The following FER variants were observed in gnomAD, a reference collection of about 807,000 sequenced individuals.
The protein encoded by FER is FER tyrosine kinase, also known as tyrosine-protein kinase Fer.
FER carries 63 observed loss-of-function variants against 111.0 expected under a neutral mutation model. The observed-to-expected ratio is 0.57, with a 90% CI of 0.46 to 0.70. The LOEUF (loss-of-function observed/expected upper bound fraction) is 0.70. Among genes scored for constraint, FER ranks in the 30% least tolerant of loss-of-function variants. The pLI, the probability that FER is intolerant of heterozygous loss-of-function variation, is 0.00. For synonymous variants in FER, 327 were observed against 313.9 expected (o/e 1.04, Z -0.44); for missense variants, 914 against 954.0 (o/e 0.96, Z 0.55).
chr5:109,116,030 A>G (rs537593972), intron 17 of FER, among the ~76,000 whole-genome samples: 2 of 152,252 alleles, frequency 1.3e-5, no homozygotes, highest in South Asian at 2.1e-4. Flanking sequence ...TGAAATGATG[A>G]GATACCAAAG....
intron 13 of FER, among the ~76,000 whole-genome samples, chr5:108,980,430 A>G (rs183964470): frequency 6.6e-4 from 101 of 152,320 alleles, no homozygotes; most frequent in Non-Finnish European, 8.1e-4. Context: ...GTATTCATCT[A>G]TACAGGAGAG....
chr5:108,785,599 A>C (rs1754618882), intron 2 of FER: 1 of 423,986 alleles, frequency 2.4e-6, no homozygotes, highest in Non-Finnish European at 4.6e-6. Flanking sequence ...ACAAACTGGA[A>C]AAAAAAAAGT....
intron 17 of FER, among the ~76,000 whole-genome samples, chr5:109,178,987 A>G (rs1758002407): frequency 6.6e-6 from 1 of 152,180 alleles, no homozygotes; most frequent in Non-Finnish European, 1.5e-5. Context: ...GTCTTTTGTT[A>G]GATTTATTTT....
intron 1 of FER, among the ~76,000 whole-genome samples, chr5:108,750,363 C>T (rs911911428): frequency 5.9e-5 from 9 of 151,950 alleles, no homozygotes; most frequent in Non-Finnish European, 1.3e-4. Context: ...GTGAGTAGCT[C>T]CAGGTTTGTC....
At chr5:109,044,288 C>T (rs2149901675) in intron 14 of FER, among the ~76,000 whole-genome samples, 1 of 151,710 alleles carries the variant, frequency 6.6e-6, no homozygotes, top group Admixed American at 6.6e-5. Flanking sequence ...ATGCCATTCT[C>T]CTGCCTCAGC....
At chr5:109,131,517 C>T (rs1003133333) in intron 17 of FER, among the ~76,000 whole-genome samples, 2 of 151,988 alleles carry the variant, frequency 1.3e-5, no homozygotes, top group African/African-American at 4.8e-5. Flanking sequence ...TTACCTTAAG[C>T]TTTCTTTATC....
chr5:108,751,418 C>T (rs1750496785), intron 1 of FER, among the ~76,000 whole-genome samples: 1 of 151,958 alleles, frequency 6.6e-6, no homozygotes, highest in African/African-American at 2.4e-5. Flanking sequence ...TAATCAAGGC[C>T]CAAATAAGTA....
rs1049257150 is a variant in FER at position 108,789,823 on chromosome 5, G to A, written c.-59-8301G>A. On this transcript the variant is annotated intron_variant, in intron 2 of 19. Transcript: ENST00000281092. ...TTGCCATGTTGGACAGGCTGGTCTCGAACTCCTGACCTCAAGTGATCCACC... is the reference window on the plus strand; with the variant it reads ...TTGCCATGTTGGACAGGCTGGTCTCAAACTCCTGACCTCAAGTGATCCACC... Among the ~76,000 whole-genome samples, 4 of 151,868 alleles carry A rather than the reference G, an allele frequency of 2.6e-5. No individual in the cohort carries two copies. The East Asian group carries it at 7.7e-4, about 29-fold the overall frequency.
chr5:109,092,284 CAAAAAAA>C (rs70999914), intron 16 of FER, among the ~76,000 whole-genome samples: 67 of 40,430 alleles, frequency 1.7e-3, no homozygotes, highest in East Asian at 0.013. Flanking sequence ...CTTATGATGG[CAAAAAAA>C]AAAAAAAAAA....
At chr5:108,822,772 AT>A (rs1441909749) in intron 3 of FER, among the ~76,000 whole-genome samples, 16 of 91,826 alleles carry the variant, frequency 1.7e-4, no homozygotes, top group East Asian at 4.6e-4. Context: ...TATTTATTTT[AT>A]TTTATGTTAT....
At chr5:109,140,576 GA>G (rs1197899210) in intron 17 of FER, among the ~76,000 whole-genome samples, 3 of 151,906 alleles carry the variant, frequency 2.0e-5, no homozygotes, top group Admixed American at 1.3e-4. Flanking sequence ...AAGCAAGAAA[GA>G]AAAAAAATTA....
At chr5:108,919,770 A>G (rs1004369035) in intron 10 of FER, among the ~76,000 whole-genome samples, 18 of 152,076 alleles carry the variant, frequency 1.2e-4, no homozygotes, top group Non-Finnish European at 2.1e-4. Context: ...ATTTTATACA[A>G]TCAGTGTTGC....
At chr5:109,120,616 G>GT (rs1750851148) in intron 17 of FER, among the ~76,000 whole-genome samples, 5 of 151,862 alleles carry the variant, frequency 3.3e-5, no homozygotes, top group Middle Eastern at 3.4e-3. Context: ...TTTTAGCTTT[G>GT]TTTTTTTCTG....
intron 4 of FER, among the ~76,000 whole-genome samples, chr5:108,835,031 CT>C (rs1447940195): frequency 2.6e-5 from 4 of 152,122 alleles, no homozygotes; most frequent in African/African-American, 9.7e-5. Flanking sequence ...ATTCAAATGA[CT>C]TTTTGACTAC....
intron 17 of FER, among the ~76,000 whole-genome samples, chr5:109,128,083 A>C (rs867074166): frequency 2.2e-4 from 34 of 152,154 alleles, no homozygotes; most frequent in African/African-American, 7.5e-4. Flanking sequence ...GAGATGTGGA[A>C]TGTAAAAGTG....
rs185752505 is a variant in FER, at chr5:108,956,985, G to T, written c.1533+2053G>T. On this transcript the variant is annotated intron_variant, in intron 12 of 19. Coordinates refer to ENST00000281092, the MANE Select transcript of FER (RefSeq NM_005246.4). The stretch of plus-strand genomic sequence containing the variant: ...GTCAACAAGTGTTCCAATAGAAGAG[G>T]TTATAAAGTAATACAAGATTTTAGA... Among the ~76,000 whole-genome samples, 476 of 151,634 alleles carry T rather than the reference G, an allele frequency of 3.1e-3. 1 individual carries two copies. Among genetic ancestry groups the T allele is most frequent in the Non-Finnish European group, 5.7e-3 (382 of 67,608 alleles).
chr5:108,778,483 C>G (rs911283279), intron 2 of FER, among the ~76,000 whole-genome samples: 16 of 152,178 alleles, frequency 1.1e-4, no homozygotes, highest in African/African-American at 3.9e-4. Flanking sequence ...CACATCCTCA[C>G]CAGCATTTAG....
At chr5:109,109,026 T>C (rs1409459857) in intron 17 of FER, among the ~76,000 whole-genome samples, 1 of 152,192 alleles carries the variant, frequency 6.6e-6, no homozygotes, top group Non-Finnish European at 1.5e-5. Flanking sequence ...TCTGTGCCAG[T>C]CTGGACTGTT....
chr5:108,884,765 A>G (rs1045668754), intron 9 of FER, among the ~76,000 whole-genome samples: 2 of 151,982 alleles, frequency 1.3e-5, no homozygotes, highest in Non-Finnish European at 2.9e-5. Flanking sequence ...ACTTGTTCCA[A>G]GAGTGATTAT....
Sources: allele counts gnomAD v4.1 joint callset (sites outside exome capture counted in the v4.1 genomes callset), GRCh38; gene constraint gnomAD v4.1.1; transcripts MANE v1.5; gene names NCBI Gene and HGNC (gene_info 2026-07-23, HGNC 2026-07-21).